MRTFA: variants seen among roughly 807,000 people sequenced by gnomAD.
MRTFA encodes myocardin related transcription factor A, also known as myocardin-related transcription factor A.
MRTFA carries 20 observed loss-of-function variants against 83.5 expected under a neutral mutation model. The ratio of observed to expected loss-of-function variants is 0.24; its 90% CI spans 0.17 to 0.35. The LOEUF is 0.35. Ranked by LOEUF, MRTFA falls within the 10% of genes least tolerant of loss-of-function variation. The pLI, the probability that MRTFA is intolerant of heterozygous loss-of-function variation, is 1.00. For synonymous variants in MRTFA, 659 were observed against 541.2 expected, an observed-to-expected ratio of 1.22 and a Z score of -3.02; for missense variants, 1,200 against 1,224.7, an observed-to-expected ratio of 0.98 and a Z score of 0.30.
intron 3 of MRTFA, among the ~76,000 whole-genome samples, chr22:40,484,092 T>TA (rs141668560): frequency 0.031 from 4,759 of 151,784 alleles, 190 homozygotes; most frequent in East Asian, 0.21. Context: ...GGGTTATAGA[T>TA]AGATAGATAA....
rs146310729 is a variant in MRTFA at position 40,491,980 on chromosome 22, C to G, written c.242-28694G>C. On this transcript the variant is annotated intron_variant, in intron 3 of 14. Coordinates refer to ENST00000355630, the MANE Select transcript of MRTFA (RefSeq NM_020831.6). ...CATGCAAATCCCAAAGGCACAAATACTCGAACCTTCCCGCAAACTGTGATA... is the reference window on the plus strand; with the variant it reads ...CATGCAAATCCCAAAGGCACAAATAGTCGAACCTTCCCGCAAACTGTGATA... Among the ~76,000 whole-genome samples the G allele has an allele frequency of 2.8e-4, 42 of 152,296 alleles. No individual in the cohort carries two copies. The East Asian group carries it at 6.2e-3, about 22-fold the overall frequency.
At chr22:40,608,360 G>A (rs978000060) in intron 1 of MRTFA, among the ~76,000 whole-genome samples, 1 of 152,164 alleles carries the variant, frequency 6.6e-6, no homozygotes, top group Non-Finnish European at 1.5e-5. Context: ...AAACAACTCA[G>A]ACCCAGAGAG....
At chr22:40,452,852 A>G (rs2053520500) in intron 4 of MRTFA, among the ~76,000 whole-genome samples, 1 of 151,362 alleles carries the variant, frequency 6.6e-6, no homozygotes, top group Admixed American at 6.6e-5. Context: ...TTTATGGCCT[A>G]TTCAACACAG....
Position 40,418,522 on chromosome 22 carries a change from T to C in MRTFA, c.2216A>G (p.Gln739Arg). The C allele has an allele frequency of 1.3e-6, 2 of 1,590,686 alleles. No homozygotes were observed. Among genetic ancestry groups the C allele is most frequent in the Admixed American group, 1.9e-5 (1 of 52,242 alleles). ...GGGGCCCTGAGGCCCCAGAAGCAAC[T>C]GGGGGGCGGGGACCGGCTCGGGCTC... The change falls in exon 12 of 15, where the codon CAG becomes CGG. Residue 739 changes from glutamine to arginine, a missense_variant. Around this residue, in one of 2 missense-constraint regions of MRTFA, gnomAD observed 1,107 missense variants for 1,041.8 expected, o/e 1.06. Transcript: ENST00000355630.
At chr22:40,460,501 G>C (rs1270673577) in intron 4 of MRTFA, among the ~76,000 whole-genome samples, 1 of 152,176 alleles carries the variant, frequency 6.6e-6, no homozygotes, top group African/African-American at 2.4e-5. Flanking sequence ...GTACGTTTTG[G>C]CAGCCCAAAT....
chr22:40,486,916 T>G (rs999435587), intron 3 of MRTFA, among the ~76,000 whole-genome samples: 3 of 152,050 alleles, frequency 2.0e-5, no homozygotes, highest in Non-Finnish European at 4.4e-5. Flanking sequence ...AAGGCTGCAG[T>G]GGGCCAAGGT....
chr22:40,597,508 T>G (rs1368052563), intron 1 of MRTFA, among the ~76,000 whole-genome samples: 2 of 152,224 alleles, frequency 1.3e-5, no homozygotes, highest in Admixed American at 1.3e-4. Context: ...CAGCTTTGTA[T>G]GTAGAGTAGC....
At chr22:40,612,051 T>C (rs1216048072) in intron 1 of MRTFA, among the ~76,000 whole-genome samples, 2 of 152,220 alleles carry the variant, frequency 1.3e-5, no homozygotes, top group Non-Finnish European at 2.9e-5. Context: ...GAAATGGTAG[T>C]TGAAACAGAT....
At chr22:40,496,704 C>T (rs199614224) in intron 3 of MRTFA, among the ~76,000 whole-genome samples, 9,794 of 143,930 alleles carry the variant, frequency 0.068, 419 homozygotes, top group East Asian at 0.2. Flanking sequence ...AGTAGAAGCA[C>T]AGTCACCAAT....
intron 3 of MRTFA, among the ~76,000 whole-genome samples, chr22:40,537,822 G>T (rs1602402133): frequency 9.3e-5 from 2 of 21,428 alleles, no homozygotes; most frequent in Non-Finnish European, 9.2e-5. Context: ...GAGGTGGGGG[G>T]GTCAGCCCTC....
In MRTFA at chr22:40,549,327, A is replaced by G. The variant is rs559448306; in HGVS notation, c.241+2779T>C. On this transcript the variant is annotated intron_variant, in intron 3 of 14. Transcript: ENST00000355630. ...TAATAGCCCCAAAGTGAAACAACCT[A>G]AACATCCAGGAACAGTAAAATGGAA... 3.8e-4 allele frequency among the ~76,000 whole-genome samples: 58 copies of G among 152,346 alleles called. 1 individual carries two copies. Among genetic ancestry groups the G allele is most frequent in the Admixed American group, 3.7e-3 (57 of 15,302 alleles).
At chr22:40,451,975 GTTTTT>G (rs771103539) in intron 4 of MRTFA, among the ~76,000 whole-genome samples, 2 of 80,478 alleles carry the variant, frequency 2.5e-5, no homozygotes, top group Admixed American at 1.5e-4. Context: ...TTTTTTTTTG[GTTTTT>G]TTTTTTTTTT....
chr22:40,411,419 A>C lies in MRTFA; in HGVS notation c.3067T>G (p.Leu1023Val). The change falls in exon 15 of 15, where the codon TTG becomes GTG. Residue 1023 changes from leucine (L) to valine (V), a missense_variant. Leu to Val is a conservative substitution (Grantham distance 32). Transcript: ENST00000355630. ...AAGCAGGAATCCCAGTGCAGCTGCA[A>C]ATCATGGCCATCGAGGAAGTCTGTG... 4 of 1,572,514 alleles carry C rather than the reference A, an allele frequency of 2.5e-6. No individual in the cohort carries two copies. Among genetic ancestry groups the C allele is most frequent in the Non-Finnish European group, 3.5e-6 (4 of 1,151,580 alleles).
At chr22:40,466,969 G>GTATA (rs3044527) in intron 3 of MRTFA, among the ~76,000 whole-genome samples, 529 of 150,046 alleles carry the variant, frequency 3.5e-3, no homozygotes, top group East Asian at 4.9e-3. Context: ...TATTATGCAT[G>GTATA]TATATATATA....
chr22:40,451,690 G>A (rs914359973), intron 4 of MRTFA, among the ~76,000 whole-genome samples: 1 of 152,064 alleles, frequency 6.6e-6, no homozygotes, highest in African/African-American at 2.4e-5. Flanking sequence ...ACATACCAGT[G>A]GTCAAATATT....
At chr22:40,478,201 C>G (rs1230411723) in intron 3 of MRTFA, among the ~76,000 whole-genome samples, 2 of 152,054 alleles carry the variant, frequency 1.3e-5, no homozygotes, top group African/African-American at 4.8e-5. Context: ...ATTGACCAAC[C>G]ATCTACAAAT....
chr22:40,578,746 AC>A (rs2055905187), intron 2 of MRTFA, among the ~76,000 whole-genome samples: 1 of 152,072 alleles, frequency 6.6e-6, no homozygotes, highest in Non-Finnish European at 1.5e-5. Context: ...ATGGTGAAAC[AC>A]CAGCTCTACC....
intron 4 of MRTFA, among the ~76,000 whole-genome samples, chr22:40,459,611 G>A (rs1295388310): frequency 6.6e-6 from 1 of 151,576 alleles, no homozygotes; most frequent in East Asian, 1.9e-4. Context: ...TGGGAGTGTT[G>A]TTTCAAACTC....
At chr22:40,480,803 C>T (rs965176489) in intron 3 of MRTFA, among the ~76,000 whole-genome samples, 2 of 134,210 alleles carry the variant, frequency 1.5e-5, no homozygotes, top group Non-Finnish European at 3.0e-5. Context: ...GGCTGGAGTG[C>T]AGTGGCGCGA....
Sources: allele counts gnomAD v4.1 joint callset (sites outside exome capture counted in the v4.1 genomes callset), GRCh38; gene constraint gnomAD v4.1.1; regional missense constraint gnomAD v4.1.1; transcripts MANE v1.5; gene names NCBI Gene and HGNC (gene_info 2026-07-23, HGNC 2026-07-21).